AGAP1: variants seen among roughly 807,000 people sequenced by gnomAD.
The protein encoded by AGAP1 is arf-GAP with GTPase, ANK repeat and PH domain-containing protein 1.
In AGAP1, 29 loss-of-function variants were observed where a neutral mutation model predicts 105.3. That is an observed-to-expected ratio of 0.28 (90% CI 0.21 to 0.38). The LOEUF (loss-of-function observed/expected upper bound fraction) is 0.38, where lower values mean the gene tolerates loss of function less well. AGAP1 is among the 10% of genes least tolerant of loss of function. The pLI is 1.00. For missense variants in AGAP1, 998 were observed against 1,165.1 expected (o/e 0.86, Z 2.09); for synonymous variants, 509 against 485.9 (o/e 1.05, Z -0.63).
chr2:235,633,648 G>T lies in AGAP1; in HGVS notation c.164-75531G>T, dbSNP rs1173686447. 6.6e-6 allele frequency among the ~76,000 whole-genome samples: 1 copy of T among 152,118 alleles called. No homozygotes were observed. The highest frequency in any genetic ancestry group is 2.4e-5 in the African/African-American group (1 of 41,430). On this transcript the variant is annotated intron_variant, in intron 1 of 17. Coordinates refer to ENST00000304032, the MANE Select transcript of AGAP1 (RefSeq NM_001037131.3). This position sits in a 1 kb window ranked among gnomAD's most constrained non-coding sequence, Gnocchi z 4.8. ...TAGATGGAGTGGGGAGACCTACAAG[G>T]CCTGTCTGTTCAGATTCCTCTTGGC...
intron 4 of AGAP1, among the ~76,000 whole-genome samples, chr2:235,743,968 C>T (rs926596324): frequency 6.6e-6 from 1 of 152,164 alleles, no homozygotes; most frequent in Admixed American, 6.5e-5. Context: ...CTAGTATATG[C>T]CTGACAGTGT....
rs1346638746 is a variant in AGAP1, at chr2:235,620,506, T to C, written c.164-88673T>C. ...TACATGTCTGCACTGCTTCCTCTTTTTGGAAAACCTTCCTGGGGGCCCTTG... is the reference window on the plus strand; with the variant it reads ...TACATGTCTGCACTGCTTCCTCTTTCTGGAAAACCTTCCTGGGGGCCCTTG... On this transcript the variant is annotated intron_variant, in intron 1 of 17. Coordinates refer to ENST00000304032, the MANE Select transcript of AGAP1 (RefSeq NM_001037131.3). The surrounding 1 kb of genome is among the most constrained non-coding windows in gnomAD (Gnocchi z 4.5). Among the ~76,000 whole-genome samples the C allele has an allele frequency of 6.6e-6, 1 of 152,158 alleles. No individual in the cohort carries two copies. Among genetic ancestry groups the C allele is most frequent in the Non-Finnish European group, 1.5e-5 (1 of 68,030 alleles).
rs771697997 is a variant in AGAP1, at chr2:236,096,054, C to T, written c.2115-24138C>T. Reference sequence around the variant, plus strand: ...GGTACTTGGAAATCCATTCTGCATTCGCTCAGGTACAGACCTCAGATTTGG... The same window carrying T: ...GGTACTTGGAAATCCATTCTGCATTTGCTCAGGTACAGACCTCAGATTTGG... On this transcript the variant is annotated intron_variant, in intron 16 of 17. Transcript: ENST00000304032. This position sits in a 1 kb window ranked among gnomAD's most constrained non-coding sequence, Gnocchi z 4.4. 1.1e-4 allele frequency among the ~76,000 whole-genome samples: 16 copies of T among 152,310 alleles called. No individual in the cohort carries two copies. Among genetic ancestry groups the T allele is most frequent in the Non-Finnish European group, 1.8e-4 (12 of 68,026 alleles).
chr2:235,818,738 C>A (rs984299119), intron 9 of AGAP1, among the ~76,000 whole-genome samples: 1 of 152,186 alleles, frequency 6.6e-6, no homozygotes, highest in African/African-American at 2.4e-5. Flanking sequence ...CCACCATGCC[C>A]GACTAAGGTT....
rs150946165 is a variant in AGAP1 at position 236,109,802 on chromosome 2, A to G, written c.2115-10390A>G. 1.8e-3 allele frequency among the ~76,000 whole-genome samples: 275 copies of G among 152,360 alleles called. 1 individual carries two copies. Among genetic ancestry groups the G allele is most frequent in the African/African-American group, 6.2e-3 (258 of 41,588 alleles). ...GTGTTTTTAATGTTATTTTGTTTCA[A>G]TTCACGTCAACACCCACGGGCAGCT... On this transcript the variant is annotated intron_variant, in intron 16 of 17. Transcript: ENST00000304032. The surrounding 1 kb of genome is among the most constrained non-coding windows in gnomAD (Gnocchi z 5.4).
At chr2:235,506,863 G>A (rs951093249) in intron 1 of AGAP1, 1 of 152,458 alleles carries the variant, frequency 6.6e-6, no homozygotes, top group Non-Finnish European at 1.5e-5. Context: ...AGGTGGCATA[G>A]ACACCTCAGC....
At chr2:235,630,472 A>G (rs553984092) in intron 1 of AGAP1, among the ~76,000 whole-genome samples, 2 of 152,230 alleles carry the variant, frequency 1.3e-5, no homozygotes, top group Admixed American at 6.5e-5. Flanking sequence ...CGGCCTCCCA[A>G]AGTGCTGGGA....
In AGAP1 at chr2:236,104,807, C is replaced by T. The variant is rs1411107988; in HGVS notation, c.2115-15385C>T. ...GGGAGGCTGAGGCAGGCAGGAGAAT[C>T]GCTTGAACCGGGACCCGGGAGGCGG... is the stretch of plus-strand genomic sequence containing the variant. On this transcript the variant is annotated intron_variant, in intron 16 of 17. Transcript: ENST00000304032. The surrounding 1 kb of genome is among the most constrained non-coding windows in gnomAD (Gnocchi z 4.7). Among the ~76,000 whole-genome samples, 1 of 152,014 alleles carries T rather than the reference C, an allele frequency of 6.6e-6. No individual in the cohort carries two copies. Among genetic ancestry groups the T allele is most frequent in the Non-Finnish European group, 1.5e-5 (1 of 68,006 alleles).
At chr2:235,542,765 T>C (rs1943488121) in intron 1 of AGAP1, among the ~76,000 whole-genome samples, 1 of 152,204 alleles carries the variant, frequency 6.6e-6, no homozygotes, top group African/African-American at 2.4e-5. Flanking sequence ...AATATATGTG[T>C]ATTTTTGTGC....
intron 6 of AGAP1, among the ~76,000 whole-genome samples, chr2:235,767,955 T>A (rs1300321260): frequency 1.3e-5 from 2 of 151,994 alleles, no homozygotes; most frequent in African/African-American, 4.8e-5. Flanking sequence ...CCCGGCTAAT[T>A]TCTGTATTTT....
At chr2:235,668,035 C>T (rs1948186345) in intron 1 of AGAP1, among the ~76,000 whole-genome samples, 1 of 151,644 alleles carries the variant, frequency 6.6e-6, no homozygotes, top group African/African-American at 2.4e-5. Context: ...TTGGAGACCC[C>T]TCCTTACAAT....
intron 1 of AGAP1, among the ~76,000 whole-genome samples, chr2:235,630,402 G>A (rs1235782500): frequency 2.6e-5 from 4 of 152,140 alleles, no homozygotes; most frequent in African/African-American, 7.2e-5. Flanking sequence ...ATAGAGACAG[G>A]GTTTCACCAT....
intron 1 of AGAP1, chr2:235,669,499 TCGC>T (rs540775923): frequency 1.0e-3 from 152 of 149,856 alleles, no homozygotes; most frequent in Middle Eastern, 3.4e-3. Flanking sequence ...GCCGCCGCGC[TCGC>T]CGCCGCCGCC....
At chr2:236,011,858 G>C (rs1295507102) in intron 13 of AGAP1, among the ~76,000 whole-genome samples, 1 of 152,094 alleles carries the variant, frequency 6.6e-6, no homozygotes, top group African/African-American at 2.4e-5. Flanking sequence ...GGCAGTGGCT[G>C]GGTGGCACCA....
Position 235,957,977 on chromosome 2 carries a change from G to A in AGAP1, c.1484-10485G>A, listed in dbSNP as rs948921521. On this transcript the variant is annotated intron_variant, in intron 12 of 17. Coordinates refer to ENST00000304032, the MANE Select transcript of AGAP1 (RefSeq NM_001037131.3). This position sits in a 1 kb window ranked among gnomAD's most constrained non-coding sequence, Gnocchi z 4.6. ...GACACTGCCAAATAGGTAAATTAAG[G>A]TGTGGGTGGAAGTCAGCAGGGGCAG... 3.9e-5 allele frequency among the ~76,000 whole-genome samples: 6 copies of A among 152,186 alleles called. No homozygotes were observed. The highest frequency in any genetic ancestry group is 7.3e-5 in the Non-Finnish European group (5 of 68,034).
rs1199669809 is a variant in AGAP1 at position 235,792,475 on chromosome 2, C to T, written c.674-5284C>T. Among the ~76,000 whole-genome samples the T allele has an allele frequency of 2.0e-5, 3 of 152,162 alleles. No individual in the cohort carries two copies. The highest frequency in any genetic ancestry group is 7.2e-5 in the African/African-American group (3 of 41,426). On this transcript the variant is annotated intron_variant, in intron 6 of 17. Transcript: ENST00000304032. The surrounding 1 kb of genome is among the most constrained non-coding windows in gnomAD (Gnocchi z 5.3). ...TGTTGAAAAACTGGAAATAGAACAG[C>T]GCTGTGGTAAGATTTGCCTTTGAGG... is the stretch of plus-strand genomic sequence containing the variant.
chr2:236,070,749 G>A (rs2058474178), intron 16 of AGAP1, among the ~76,000 whole-genome samples: 1 of 152,174 alleles, frequency 6.6e-6, no homozygotes, highest in Non-Finnish European at 1.5e-5. Context: ...ACAGAAAGTG[G>A]ATTGGGGTGG....
rs181054430 is a variant in AGAP1 at position 235,714,772 on chromosome 2, T to C, written c.223-2785T>C. 4.2e-4 allele frequency among the ~76,000 whole-genome samples: 64 copies of C among 152,190 alleles called. No homozygotes were observed. The highest frequency in any genetic ancestry group is 1.2e-3 in the Admixed American group (19 of 15,288). ...CTGTCATGCCAAATTTGTTCTCTTATATGTTTGTTTGTTTTCTTTTTTGTT... is the reference window on the plus strand; with the variant it reads ...CTGTCATGCCAAATTTGTTCTCTTACATGTTTGTTTGTTTTCTTTTTTGTT... On this transcript the variant is annotated intron_variant, in intron 2 of 17. Coordinates refer to ENST00000304032, the MANE Select transcript of AGAP1 (RefSeq NM_001037131.3). The surrounding 1 kb of genome is among the most constrained non-coding windows in gnomAD (Gnocchi z 4.1).
At chr2:235,821,382 ATT>A (rs200107062) in intron 9 of AGAP1, among the ~76,000 whole-genome samples, 21 of 133,782 alleles carry the variant, frequency 1.6e-4, no homozygotes, top group South Asian at 2.4e-4. Context: ...CAGAACTTCA[ATT>A]TTTTTTTTTT....
Sources: gnomAD v4.1 joint callset for allele counts (sites outside exome capture counted in the v4.1 genomes callset) on GRCh38, gnomAD v4.1.1 for gene constraint, Gnocchi (gnomAD v3.1) non-coding constraint, MANE v1.5 for transcripts, NCBI Gene and HGNC (gene_info 2026-07-23, HGNC 2026-07-21) for gene names.